Variants in STIM1 observed in about 807,000 individuals in gnomAD.
STIM1 encodes stromal interaction molecule 1.
A neutral mutation model predicts 74.7 loss-of-function variants in STIM1; 25 were observed. The ratio of observed to expected loss-of-function variants is 0.33; its 90% CI spans 0.24 to 0.47. The LOEUF is 0.47. STIM1 is among the 20% of genes least tolerant of loss of function. STIM1 has a pLI of 1.00. For synonymous variants in STIM1, 328 were observed against 348.8 expected (o/e 0.94, Z 0.66); for missense variants, 728 against 920.8 (o/e 0.79, Z 2.71).
chr11:4,025,034 C>A (rs989121695), intron 3 of STIM1, among the ~76,000 whole-genome samples: 6 of 152,112 alleles, frequency 3.9e-5, no homozygotes, highest in Admixed American at 1.3e-4. Flanking sequence ...ATTTGAGGAA[C>A]CTTAGGCCTA....
At chr11:4,087,447 T>C (rs959922687) in intron 12 of STIM1, among the ~76,000 whole-genome samples, 2 of 152,124 alleles carry the variant, frequency 1.3e-5, no homozygotes, top group African/African-American at 2.4e-5. Context: ...GAGGAAACAC[T>C]GTATGCAGAG....
At chr11:4,000,094 G>A (rs2093699481) in intron 2 of STIM1, among the ~76,000 whole-genome samples, 1 of 152,058 alleles carries the variant, frequency 6.6e-6, no homozygotes, top group African/African-American at 2.4e-5. Flanking sequence ...GCTTGAACTG[G>A]GTGGAGCCCA....
chr11:4,076,485 C>CAAAAAAAAA (rs58804386), intron 7 of STIM1, among the ~76,000 whole-genome samples: 9 of 40,760 alleles, frequency 2.2e-4, no homozygotes, highest in African/African-American at 1.0e-3. Flanking sequence ...GACTCCATCT[C>CAAAAAAAAA]AAAAAAAAAA....
chr11:3,873,048 A>T (rs1025291407), intron 1 of STIM1, among the ~76,000 whole-genome samples: 1 of 151,604 alleles, frequency 6.6e-6, no homozygotes, highest in Non-Finnish European at 1.5e-5. Flanking sequence ...TCCTGGGCGT[A>T]AATGATCCTC....
chr11:3,967,828 C>T, intron 2 of STIM1, 146 bp downstream of exon 2: 3 of 1,209,758 alleles, frequency 2.5e-6, no homozygotes, highest in Non-Finnish European at 3.5e-6. Flanking sequence ...AAGATGGCTC[C>T]CAGAAGAGCA....
At chr11:4,049,358 T>C (rs1409281028) in intron 3 of STIM1, among the ~76,000 whole-genome samples, 1 of 146,920 alleles carries the variant, frequency 6.8e-6, no homozygotes, top group Non-Finnish European at 1.5e-5. Flanking sequence ...AGGCTCTCAC[T>C]CTGTTGCCCA....
chr11:4,068,357 T>C (rs1442725), intron 5 of STIM1, among the ~76,000 whole-genome samples: 123,505 of 152,186 alleles, frequency 0.81, 52,059 homozygotes, highest in East Asian at 0.95. Flanking sequence ...CTTGTTTGAA[T>C]AAGGATACCT....
At chr11:4,070,658 A>G (rs2094397667) in intron 6 of STIM1, among the ~76,000 whole-genome samples, 1 of 152,166 alleles carries the variant, frequency 6.6e-6, no homozygotes, top group South Asian at 2.1e-4. Flanking sequence ...TTGCTATATA[A>G]CTTTGGATAA....
intron 2 of STIM1, chr11:3,974,385 A>G (rs1178140542): frequency 5.6e-5 from 10 of 177,934 alleles, no homozygotes; most frequent in Non-Finnish European, 1.1e-4. Context: ...ATAGAAAAAT[A>G]TATAATCAGG....
At chr11:3,871,165 C>A (rs955892970) in intron 1 of STIM1, among the ~76,000 whole-genome samples, 4 of 152,150 alleles carry the variant, frequency 2.6e-5, no homozygotes, top group Non-Finnish European at 4.4e-5. Context: ...CGACGCCCGG[C>A]CTCCTATCAG....
intron 1 of STIM1, among the ~76,000 whole-genome samples, chr11:3,946,246 C>T (rs1408314160): frequency 6.6e-6 from 1 of 152,192 alleles, no homozygotes; most frequent in African/African-American, 2.4e-5. Flanking sequence ...CCTCTCTACA[C>T]CCCAGTTTTC....
intron 2 of STIM1, chr11:3,973,953 A>G: frequency 5.2e-6 from 3 of 577,026 alleles, no homozygotes; most frequent in Non-Finnish European, 9.4e-6. Context: ...TTCATAGTTA[A>G]GTGGGCATGT....
chr11:3,893,128 C>T (rs1041954109), intron 1 of STIM1, among the ~76,000 whole-genome samples: 3 of 152,116 alleles, frequency 2.0e-5, no homozygotes, highest in African/African-American at 7.2e-5. Flanking sequence ...TCATCCCTTC[C>T]AGTACTCTCC....
At chr11:4,039,515 G>A (rs2132980873) in intron 3 of STIM1, among the ~76,000 whole-genome samples, 1 of 146,204 alleles carries the variant, frequency 6.8e-6, no homozygotes, top group East Asian at 2.1e-4. Context: ...GAACCCAGGA[G>A]GCAGAGGTTG....
chr11:3,987,255 A>G (rs1457316305), intron 2 of STIM1, among the ~76,000 whole-genome samples: 1 of 152,170 alleles, frequency 6.6e-6, no homozygotes, highest in East Asian at 1.9e-4. Context: ...GCCTTAAATT[A>G]TCTCCTTTTC....
At chr11:3,919,770 T>A (rs971584242) in intron 1 of STIM1, among the ~76,000 whole-genome samples, 4 of 152,124 alleles carry the variant, frequency 2.6e-5, no homozygotes, top group Non-Finnish European at 5.9e-5. Flanking sequence ...TTCGATTTTT[T>A]AAAAAATTGA....
chr11:3,992,781 T>C (rs1326697968), intron 2 of STIM1, among the ~76,000 whole-genome samples: 1 of 152,246 alleles, frequency 6.6e-6, no homozygotes, highest in Non-Finnish European at 1.5e-5. Context: ...AGATGGATTC[T>C]AAATATCATC....
chr11:4,047,073 C>A (rs573535666), intron 3 of STIM1, among the ~76,000 whole-genome samples: 1 of 152,318 alleles, frequency 6.6e-6, no homozygotes, highest in South Asian at 2.1e-4. Flanking sequence ...TGGAACCCCT[C>A]ATTTAGAGTA....
chr11:4,088,848 C>G, intron 12 of STIM1: 1 of 1,106,268 alleles, frequency 9.0e-7, no homozygotes, highest in South Asian at 1.3e-5. Context: ...CTCACTGGGC[C>G]TTTTCCCTCC....
Sources: gnomAD v4.1 joint callset for allele counts (sites outside exome capture counted in the v4.1 genomes callset) on GRCh38, gnomAD v4.1.1 for gene constraint, MANE v1.5 for transcripts, NCBI Gene and HGNC (gene_info 2026-07-23, HGNC 2026-07-21) for gene names.